The following ASTN1 variants were observed in gnomAD, a reference collection of about 807,000 sequenced individuals.
The protein encoded by ASTN1 is astrotactin 1.
In ASTN1, 41 loss-of-function variants were observed where a neutral mutation model predicts 140.7. The ratio of observed to expected loss-of-function variants is 0.29; its 90% CI spans 0.23 to 0.38. ASTN1 has a LOEUF of 0.38. ASTN1 is among the 10% of genes least tolerant of loss of function. The pLI, the probability that ASTN1 is intolerant of heterozygous loss-of-function variation, is 1.00. For synonymous variants in ASTN1, 640 were observed against 652.2 expected (o/e 0.98, Z 0.29); for missense variants, 1,479 against 1,678.8 (o/e 0.88, Z 2.08).
At chr1:176,947,506 A>T (rs1672008909) in intron 12 of ASTN1, among the ~76,000 whole-genome samples, 1 of 152,212 alleles carries the variant, frequency 6.6e-6, no homozygotes, top group Non-Finnish European at 1.5e-5. Context: ...AGTGCTAAAC[A>T]CACGTGTGTC....
intron 8 of ASTN1, among the ~76,000 whole-genome samples, chr1:176,992,213 A>G (rs1229922282): frequency 6.6e-6 from 1 of 152,158 alleles, no homozygotes; most frequent in African/African-American, 2.4e-5. Flanking sequence ...AGTTCTTGGT[A>G]AGCAAAAAGC....
intron 1 of ASTN1, among the ~76,000 whole-genome samples, chr1:177,091,463 G>T: frequency 6.6e-6 from 1 of 152,114 alleles, no homozygotes; most frequent in Non-Finnish European, 1.5e-5. Context: ...TCTGAGTGCT[G>T]ACTGTCATCT....
intron 7 of ASTN1, among the ~76,000 whole-genome samples, chr1:177,020,271 T>C (rs1478415110): frequency 6.6e-6 from 1 of 152,202 alleles, no homozygotes; most frequent in Non-Finnish European, 1.5e-5. Flanking sequence ...TAAAACAACA[T>C]ACATTTATTA....
intron 1 of ASTN1, among the ~76,000 whole-genome samples, chr1:177,072,542 T>C (rs914069246): frequency 2.0e-5 from 3 of 152,144 alleles, no homozygotes; most frequent in African/African-American, 7.2e-5. Context: ...GGAGAATGAT[T>C]TAAAAGAAAT....
Position 176,864,233 on chromosome 1 carries a change from T to G in ASTN1, c.*51A>C. The G allele has an allele frequency of 6.3e-7, 1 of 1,595,292 alleles. No homozygotes were observed. The highest frequency in any genetic ancestry group is 2.2e-5 in the East Asian group (1 of 44,606). ...AAATCCACAGACCAACCCAGATGGA[T>G]CCCTCCTCTTTCCTACTTCATTCTG... On this transcript the variant is annotated 3_prime_UTR_variant, in exon 23 of 23. Coordinates refer to ENST00000361833, the MANE Select transcript of ASTN1 (RefSeq NM_004319.3).
At chr1:176,895,718 G>T (rs1034993070) in intron 16 of ASTN1, among the ~76,000 whole-genome samples, 1 of 152,160 alleles carries the variant, frequency 6.6e-6, no homozygotes, top group African/African-American at 2.4e-5. Context: ...GAGAATAATG[G>T]TTTGTTCTTT....
intron 1 of ASTN1, among the ~76,000 whole-genome samples, chr1:177,156,897 C>G (rs772162453): frequency 7.9e-5 from 12 of 152,294 alleles, no homozygotes; most frequent in Non-Finnish European, 1.2e-4. Flanking sequence ...AACCTTAGCT[C>G]CAGTCTAATC....
intron 1 of ASTN1, among the ~76,000 whole-genome samples, chr1:177,099,397 C>G (rs1434096172): frequency 2.0e-5 from 3 of 151,862 alleles, no homozygotes; most frequent in Admixed American, 2.0e-4. Context: ...CATATCCTAG[C>G]TCCTTTTTTT....
At chr1:177,071,155 A>C (rs1678617290) in intron 1 of ASTN1, among the ~76,000 whole-genome samples, 1 of 152,170 alleles carries the variant, frequency 6.6e-6, no homozygotes, top group African/African-American at 2.4e-5. Context: ...AAATTGAACA[A>C]TCTTTAGATG....
intron 1 of ASTN1, among the ~76,000 whole-genome samples, chr1:177,125,960 T>G (rs892315672): frequency 6.6e-6 from 1 of 152,222 alleles, no homozygotes; most frequent in Admixed American, 6.5e-5. Flanking sequence ...GGATGCCCTT[T>G]ATTTCTAATA....
At position 177,105,993 on chromosome 1, in the gene ASTN1, C is replaced by T. The variant is rs943676058; in HGVS notation, c.284-44728G>A. On this transcript the variant is annotated intron_variant, in intron 1 of 22. Coordinates refer to ENST00000361833, the MANE Select transcript of ASTN1 (RefSeq NM_004319.3). ...CCTGGGAGACAGAGCGAGACCCCATCTCTTAAAAACAAAAACGAAAACAAA... is the reference window on the plus strand; with the variant it reads ...CCTGGGAGACAGAGCGAGACCCCATTTCTTAAAAACAAAAACGAAAACAAA... 7.2e-5 allele frequency among the ~76,000 whole-genome samples: 11 copies of T among 152,156 alleles called. No individual in the cohort carries two copies. In the East Asian group the frequency reaches 1.5e-3, roughly 21 times the overall value.
intron 20 of ASTN1, among the ~76,000 whole-genome samples, chr1:176,881,489 T>C (rs527267875): frequency 6.6e-6 from 1 of 152,188 alleles, no homozygotes; most frequent in East Asian, 1.9e-4. Flanking sequence ...GAGCCTTTAC[T>C]ATAAATGATA....
chr1:176,961,677 T>G (rs1672671541), intron 9 of ASTN1, among the ~76,000 whole-genome samples: 1 of 152,220 alleles, frequency 6.6e-6, no homozygotes, highest in Non-Finnish European at 1.5e-5. Context: ...TCTAAAGTTT[T>G]CTTTCATCTG....
intron 9 of ASTN1, among the ~76,000 whole-genome samples, chr1:176,959,911 G>A (rs112448600): frequency 2.0e-3 from 310 of 152,290 alleles, no homozygotes; most frequent in African/African-American, 7.0e-3. Flanking sequence ...GGTCTGTGCA[G>A]GGAGGTGCCT....
chr1:176,863,737 A>G lies in ASTN1; in HGVS notation c.*547T>C. 1.0e-6 allele frequency: 1 copy of G among 986,806 alleles called. No homozygotes were observed. The highest frequency in any genetic ancestry group is 1.2e-6 in the Non-Finnish European group (1 of 830,876). 61.1% of individuals were successfully genotyped at this position (986,806 alleles called of 1,614,324 possible). On this transcript the variant is annotated 3_prime_UTR_variant, in exon 23 of 23. Transcript: ENST00000361833. Reference sequence around the variant, plus strand: ...GATAGCAAGGCCTAGGAAGAAAACCAGGAGACACAGACAAGGGCCACCTTC... The same window carrying G: ...GATAGCAAGGCCTAGGAAGAAAACCGGGAGACACAGACAAGGGCCACCTTC...
At chr1:176,939,204 C>T (rs1671580718) in intron 14 of ASTN1, among the ~76,000 whole-genome samples, 1 of 152,146 alleles carries the variant, frequency 6.6e-6, no homozygotes, top group Admixed American at 6.5e-5. Context: ...CTTCACCCTC[C>T]CTACCTCTCT....
chr1:176,989,118 C>T (rs1267062644), intron 8 of ASTN1, among the ~76,000 whole-genome samples: 1 of 152,140 alleles, frequency 6.6e-6, no homozygotes, highest in South Asian at 2.1e-4. Flanking sequence ...TTGACTTAGC[C>T]CTAGATCTCT....
At chr1:177,104,010 T>C (rs561115205) in intron 1 of ASTN1, among the ~76,000 whole-genome samples, 1 of 152,236 alleles carries the variant, frequency 6.6e-6, no homozygotes, top group South Asian at 2.1e-4. Context: ...TGGCCTGGCG[T>C]GCAGTAACGC....
At chr1:176,883,128 T>A in intron 19 of ASTN1, 134 bp from the exon 20 acceptor site, 1 of 1,268,932 alleles carries the variant, frequency 7.9e-7, no homozygotes, top group Non-Finnish European at 1.1e-6. Context: ...GAAGGAGACT[T>A]AGAAGGAATG....
Sources: allele counts gnomAD v4.1 joint callset (sites outside exome capture counted in the v4.1 genomes callset), GRCh38; gene constraint gnomAD v4.1.1; transcripts MANE v1.5; gene names NCBI Gene and HGNC (gene_info 2026-07-23, HGNC 2026-07-21).